Variants in CRAMP1 observed in about 807,000 individuals in gnomAD.
CRAMP1 encodes the protein protein cramped-like.
Under a neutral mutation model 115.4 loss-of-function variants are expected in CRAMP1, and 50 were observed. The observed-to-expected ratio is 0.43, with a 90% CI of 0.35 to 0.55. CRAMP1 has a LOEUF of 0.55. CRAMP1 is among the 20% of genes least tolerant of loss of function. CRAMP1 has a pLI of 0.01. For synonymous variants in CRAMP1, 866 were observed against 745.4 expected, an observed-to-expected ratio of 1.16 and a Z score of -2.64; for missense variants, 1,679 against 1,721.7, an observed-to-expected ratio of 0.98 and a Z score of 0.44.
At chr16:1,652,629 C>T in intron 7 of CRAMP1, 48 bp downstream of exon 7, 4 of 1,488,044 alleles carry the variant, frequency 2.7e-6, no homozygotes, top group Non-Finnish European at 3.7e-6. Flanking sequence ...CCCATGGTGT[C>T]CCATTCAATG....
intron 6 of CRAMP1, among the ~76,000 whole-genome samples, chr16:1,649,810 T>G (rs1051208236): frequency 1.8e-4 from 21 of 115,306 alleles, no homozygotes; most frequent in Non-Finnish European, 3.2e-4. Context: ...TTTTTTTTTT[T>G]GAGATGGAGT....
At chr16:1,620,989 G>T (rs2036461441) in intron 2 of CRAMP1, among the ~76,000 whole-genome samples, 2 of 152,020 alleles carry the variant, frequency 1.3e-5, no homozygotes, top group African/African-American at 4.8e-5. Context: ...TTCTAAAATG[G>T]AGATAACTAC....
At chr16:1,635,376 A>G (rs925822741) in intron 4 of CRAMP1, among the ~76,000 whole-genome samples, 1 of 152,230 alleles carries the variant, frequency 6.6e-6, no homozygotes, top group Non-Finnish European at 1.5e-5. Context: ...TTCCATGCAC[A>G]TCTGCGTTTC....
chr16:1,621,131 G>A (rs944636511), intron 2 of CRAMP1, among the ~76,000 whole-genome samples: 2 of 152,146 alleles, frequency 1.3e-5, no homozygotes, highest in Non-Finnish European at 2.9e-5. Flanking sequence ...TACTCAGCCC[G>A]TGCCTCAGCT....
chr16:1,654,453 C>T (rs2036752183), intron 8 of CRAMP1, among the ~76,000 whole-genome samples: 1 of 152,230 alleles, frequency 6.6e-6, no homozygotes, highest in Non-Finnish European at 1.5e-5. Flanking sequence ...CTCAGGTGAT[C>T]TGCCTGCTTC....
In CRAMP1 at chr16:1,656,384, T is replaced by A. The variant is rs1365888077; in HGVS notation, c.1627T>A (p.Cys543Ser). The A allele has an allele frequency of 6.3e-7, 1 of 1,596,788 alleles. No homozygotes were observed. The change falls in exon 10 of 21, where the codon TGT becomes AGT. Residue 543 changes from cysteine (C) to serine (S), a missense_variant. Physicochemically the swap from Cys to Ser is moderately radical, Grantham distance 112. This residue lies in a region of CRAMP1 where 405 missense variants were observed against 302.6 expected (regional missense o/e 1.34). Transcript: ENST00000397412. This position sits in a 1 kb window ranked among gnomAD's most constrained non-coding sequence, Gnocchi z 5.6. The stretch of plus-strand genomic sequence containing the variant: ...CACCCGGGAGCCAGGGGCCTTGCCG[T>A]GTGCCTGTGGCCAGCTCCCAGACCT... ...SPTREPGALP[C>S]ACGQLPDLED... is the part of the protein sequence containing the mutation.
At chr16:1,626,822 A>T (rs1001183120) in intron 3 of CRAMP1, among the ~76,000 whole-genome samples, 5 of 152,056 alleles carry the variant, frequency 3.3e-5, no homozygotes, top group Admixed American at 3.3e-4. Flanking sequence ...ACGCCTGTAA[A>T]TATTCTCCTT....
Position 1,671,004 on chromosome 16 carries a change from C to T in CRAMP1, c.3645+195C>T, listed in dbSNP as rs1333445872. On this transcript the variant is annotated intron_variant, in intron 20 of 20. Transcript: ENST00000397412. The surrounding 1 kb of genome is among the most constrained non-coding windows in gnomAD (Gnocchi z 5.0). ...GGGACGCTGGGCCGGCTCTCGTCCC[C>T]ACATGCAGAATGACAGACTTAGTCA... 6.6e-6 allele frequency among the ~76,000 whole-genome samples: 1 copy of T among 152,160 alleles called. No homozygotes were observed. Among genetic ancestry groups the T allele is most frequent in the Non-Finnish European group, 1.5e-5 (1 of 68,048 alleles).
At chr16:1,619,124 A>G (rs1446661843) in intron 2 of CRAMP1, among the ~76,000 whole-genome samples, 2 of 152,330 alleles carry the variant, frequency 1.3e-5, no homozygotes, top group East Asian at 3.9e-4. Context: ...ATCGTTGTAT[A>G]AAGTGGTGTG....
chr16:1,646,949 G>T, intron 6 of CRAMP1: 2 of 680,130 alleles, frequency 2.9e-6, no homozygotes, highest in South Asian at 3.1e-5. Context: ...AACATCAGTT[G>T]ACTGTACCGT....
In CRAMP1 at chr16:1,656,209, G is replaced by C. The variant is rs745937828; in HGVS notation, c.1452G>C (p.Gln484His). The C allele has an allele frequency of 1.2e-6, 2 of 1,603,728 alleles. No individual in the cohort carries two copies. ...GRPPPAADAL[Q>H]SSGESSPESA... ...CCCCTCCTGCGGCTGACGCCTTGCA[G>C]AGCTCCGGAGAGAGTTCCCCCGAAA... Residue 484 changes from glutamine (Q) to histidine (H), a missense_variant, in exon 10 of 21, where the codon CAG becomes CAC. Around this residue, in one of 8 missense-constraint regions of CRAMP1, gnomAD observed 405 missense variants for 302.6 expected, o/e 1.34. Coordinates refer to ENST00000397412, the MANE Select transcript of CRAMP1 (RefSeq NM_020825.4). This position sits in a 1 kb window ranked among gnomAD's most constrained non-coding sequence, Gnocchi z 5.6.
intron 2 of CRAMP1, among the ~76,000 whole-genome samples, chr16:1,624,147 CT>C (rs1461318676): frequency 6.8e-6 from 1 of 146,462 alleles, no homozygotes; most frequent in African/African-American, 2.5e-5. Flanking sequence ...TTTTTTTTTT[CT>C]TTTTTAAGTT....
Position 1,662,487 on chromosome 16 carries a change from C to T in CRAMP1, c.2414-3C>T, listed in dbSNP as rs765242316. On this transcript the variant is annotated splice_polypyrimidine_tract_variant and splice_region_variant and intron_variant, in intron 11 of 20. Transcript: ENST00000397412. ...ACACTGATTCTCTCCTCTCCTCTCC[C>T]AGGTTTGAGAAACCCTCCAAGACCC... 6 of 1,612,458 alleles carry T rather than the reference C, an allele frequency of 3.7e-6. No individual in the cohort carries two copies. Among genetic ancestry groups the T allele is most frequent in the Non-Finnish European group, 5.1e-6 (6 of 1,178,742 alleles).
At chr16:1,652,475 C>A in intron 6 of CRAMP1, 21 bp from the exon 7 acceptor site, 2 of 1,547,978 alleles carry the variant, frequency 1.3e-6, no homozygotes, top group Non-Finnish European at 8.7e-7. Flanking sequence ...CCTCAGCGTT[C>A]CTTCAAAACT....
chr16:1,664,399 A>C (rs551057617), intron 13 of CRAMP1, among the ~76,000 whole-genome samples: 1 of 152,116 alleles, frequency 6.6e-6, no homozygotes, highest in East Asian at 1.9e-4. Context: ...GGGAGGTGTC[A>C]CTCCTAAAAG....
intron 3 of CRAMP1, among the ~76,000 whole-genome samples, chr16:1,628,989 G>A (rs1421638610): frequency 1.3e-5 from 2 of 152,200 alleles, no homozygotes; most frequent in African/African-American, 2.4e-5. Flanking sequence ...CTGGCAGGGC[G>A]GGCATTCACC....
chr16:1,668,583 C>A (rs1006004601), intron 18 of CRAMP1, among the ~76,000 whole-genome samples: 1 of 152,218 alleles, frequency 6.6e-6, no homozygotes, highest in African/African-American at 2.4e-5. Context: ...TGGGACAAAG[C>A]TCCTGGGGGC....
chr16:1,612,986 C>G (rs1273581341), intron 1 of CRAMP1, among the ~76,000 whole-genome samples: 3 of 152,018 alleles, frequency 2.0e-5, no homozygotes, highest in Middle Eastern at 3.2e-3. Flanking sequence ...TCCCCGTGCT[C>G]GGTCGGCGTC....
In CRAMP1 at chr16:1,674,277, G is replaced by A. The variant is rs772254221; in HGVS notation, c.*232G>A. 9 of 559,630 alleles carry A rather than the reference G, an allele frequency of 1.6e-5. No homozygotes were observed. The highest frequency in any genetic ancestry group is 1.3e-4 in the South Asian group (6 of 45,782). 34.7% of individuals were successfully genotyped at this position (559,630 alleles called of 1,614,324 possible). ...TAGAAATCACTGTGGTACTAGAGCC[G>A]TTCTTCACCACGCCTGGGCCCATGT... On this transcript the variant is annotated 3_prime_UTR_variant, in exon 21 of 21. Transcript: ENST00000397412.
Sources: gnomAD v4.1 joint callset for allele counts (sites outside exome capture counted in the v4.1 genomes callset) on GRCh38, gnomAD v4.1.1 for gene constraint, gnomAD v4.1.1 regional missense constraint, Gnocchi (gnomAD v3.1) non-coding constraint, MANE v1.5 for transcripts, NCBI Gene and HGNC (gene_info 2026-07-23, HGNC 2026-07-21) for gene names.